Variants in RBFOX1 observed in about 807,000 individuals in gnomAD.
RBFOX1 encodes the protein RNA binding protein fox-1 homolog 1.
RBFOX1 carries 8 observed loss-of-function variants against 57.7 expected under a neutral mutation model. That is an observed-to-expected ratio of 0.14 (90% confidence interval 0.08 to 0.25). The LOEUF (loss-of-function observed/expected upper bound fraction) is 0.25. RBFOX1 is among the 10% of genes least tolerant of loss of function. RBFOX1 has a pLI of 1.00. For missense variants in RBFOX1, 611 were observed against 548.5 expected, an observed-to-expected ratio of 1.11 and a Z score of -1.14; for synonymous variants, 326 against 222.4, an observed-to-expected ratio of 1.47 and a Z score of -4.15.
At chr16:7,633,238 G>A (rs1050414823) in intron 11 of RBFOX1, among the ~76,000 whole-genome samples, 1 of 152,146 alleles carries the variant, frequency 6.6e-6, no homozygotes, top group Non-Finnish European at 1.5e-5. Context: ...CCAATTTAAA[G>A]GGTCGATTTT....
chr16:7,600,980 C>T lies in RBFOX1; in HGVS notation c.622+3549C>T, dbSNP rs868140899. On this transcript the variant is annotated intron_variant, in intron 9 of 15. Transcript: ENST00000550418. The stretch of plus-strand genomic sequence containing the variant: ...TGCTATTTCTCTGAAGGACACCTAC[C>T]CACACGGAGGAGTTGGGGTTTGCTG... Among the ~76,000 whole-genome samples the T allele has an allele frequency of 7.9e-5, 12 of 152,134 alleles. No homozygotes were observed. In the South Asian group the frequency reaches 2.1e-3, roughly 26 times the overall value.
intron 4 of RBFOX1, among the ~76,000 whole-genome samples, chr16:7,070,717 C>T (rs1255960869): frequency 1.3e-5 from 2 of 152,164 alleles, no homozygotes; most frequent in African/African-American, 4.8e-5. Flanking sequence ...TCTAAGTAGG[C>T]AAGAGCATCC....
At chr16:6,403,366 G>C (rs2093153046) in intron 2 of RBFOX1, among the ~76,000 whole-genome samples, 2 of 152,200 alleles carry the variant, frequency 1.3e-5, no homozygotes, top group Middle Eastern at 6.8e-3. Flanking sequence ...AATCTTATCA[G>C]AGACTTTTTT....
chr16:5,553,407 C>G (rs1401640531), intron 2 of RBFOX1, among the ~76,000 whole-genome samples: 1 of 151,986 alleles, frequency 6.6e-6, no homozygotes, highest in Non-Finnish European at 1.5e-5. Context: ...ACTCCGCCTC[C>G]CAGGTTCATG....
At chr16:6,132,819 T>C (rs1240335809) in intron 1 of RBFOX1, among the ~76,000 whole-genome samples, 1 of 151,946 alleles carries the variant, frequency 6.6e-6, no homozygotes, top group Non-Finnish European at 1.5e-5. Flanking sequence ...AAATCCTGTC[T>C]CTACTAAAAA....
chr16:7,502,388 C>G (rs987282142), intron 4 of RBFOX1, among the ~76,000 whole-genome samples: 1 of 152,158 alleles, frequency 6.6e-6, no homozygotes, highest in African/African-American at 2.4e-5. Context: ...ATTAAAAATA[C>G]AGGCAGATGC....
intron 1 of RBFOX1, among the ~76,000 whole-genome samples, chr16:5,274,458 G>A (rs896539202): frequency 1.3e-5 from 2 of 152,162 alleles, no homozygotes; most frequent in Non-Finnish European, 2.9e-5. Context: ...GAACCCAGGG[G>A]GCGGAGGTTG....
At chr16:5,650,327 G>A (rs1056328385) in intron 3 of RBFOX1, among the ~76,000 whole-genome samples, 5 of 149,300 alleles carry the variant, frequency 3.3e-5, no homozygotes, top group Non-Finnish European at 6.1e-5. Flanking sequence ...CAGCCACGGC[G>A]GTGGTGGTGG....
At chr16:7,357,913 A>AG (rs1436963544) in intron 4 of RBFOX1, among the ~76,000 whole-genome samples, 17 of 151,940 alleles carry the variant, frequency 1.1e-4, no homozygotes, top group African/African-American at 3.6e-4. Flanking sequence ...TTCCTCTCTG[A>AG]GGGAAGGAGT....
chr16:5,363,259 G>A (rs752147620), intron 1 of RBFOX1, among the ~76,000 whole-genome samples: 4 of 150,744 alleles, frequency 2.7e-5, no homozygotes, highest in African/African-American at 7.3e-5. Flanking sequence ...TGGCAAGGCC[G>A]GTCTTGAACT....
intron 3 of RBFOX1, among the ~76,000 whole-genome samples, chr16:6,989,042 C>A (rs557205971): frequency 1.1e-4 from 17 of 152,052 alleles, no homozygotes; most frequent in Admixed American, 1.1e-3. Flanking sequence ...GGATTATAAG[C>A]GTGAGCCACC....
At chr16:5,684,920 C>T (rs1015861464) in intron 3 of RBFOX1, among the ~76,000 whole-genome samples, 11 of 152,072 alleles carry the variant, frequency 7.2e-5, no homozygotes, top group South Asian at 6.2e-4. Flanking sequence ...AGCTCTCCAG[C>T]GTATGAGACA....
intron 3 of RBFOX1, among the ~76,000 whole-genome samples, chr16:6,826,025 G>A (rs1340956476): frequency 6.6e-6 from 1 of 152,126 alleles, no homozygotes; most frequent in Non-Finnish European, 1.5e-5. Flanking sequence ...CGACCACATC[G>A]TGGTGATGTG....
At chr16:5,545,126 G>A (rs879829604) in intron 2 of RBFOX1, among the ~76,000 whole-genome samples, 1 of 151,806 alleles carries the variant, frequency 6.6e-6, no homozygotes, top group African/African-American at 2.4e-5. Context: ...ACAGGCACCT[G>A]CCACCATGCC....
chr16:6,608,686 G>T (rs1154979), intron 2 of RBFOX1, among the ~76,000 whole-genome samples: 1 of 151,952 alleles, frequency 6.6e-6, no homozygotes, highest in African/African-American at 2.4e-5. Flanking sequence ...GTAGAAGGAT[G>T]ACTTGGGTCC....
At chr16:7,319,136 T>A (rs903609387) in intron 4 of RBFOX1, among the ~76,000 whole-genome samples, 1 of 152,196 alleles carries the variant, frequency 6.6e-6, no homozygotes, top group Non-Finnish European at 1.5e-5. Flanking sequence ...TTGTTCTATT[T>A]TGGTCCTAAA....
chr16:5,431,037 A>C (rs1399277587), intron 1 of RBFOX1, among the ~76,000 whole-genome samples: 1 of 152,144 alleles, frequency 6.6e-6, no homozygotes, highest in Non-Finnish European at 1.5e-5. Flanking sequence ...GAGCCTACTG[A>C]GAATTGGTGA....
intron 3 of RBFOX1, among the ~76,000 whole-genome samples, chr16:6,812,364 T>C (rs2088895356): frequency 6.6e-6 from 1 of 151,862 alleles, no homozygotes; most frequent in African/African-American, 2.4e-5. Flanking sequence ...AAAGTTTTGG[T>C]TCAGTTTCTT....
chr16:6,172,268 G>A (rs1306857695), intron 1 of RBFOX1, among the ~76,000 whole-genome samples: 2 of 151,176 alleles, frequency 1.3e-5, no homozygotes, highest in Non-Finnish European at 3.0e-5. Flanking sequence ...AGTGGGCCCC[G>A]GACAGCGGGG....
Sources: allele counts gnomAD v4.1 joint callset (sites outside exome capture counted in the v4.1 genomes callset), GRCh38; gene constraint gnomAD v4.1.1; transcripts MANE v1.5; gene names NCBI Gene and HGNC (gene_info 2026-07-23, HGNC 2026-07-21).